UBR2: variants seen among roughly 807,000 people sequenced by gnomAD.
The protein encoded by UBR2 is ubiquitin protein ligase E3 component n-recognin 2.
A neutral mutation model predicts 247.9 loss-of-function variants in UBR2; 92 were observed. The ratio of observed to expected loss-of-function variants is 0.37; its 90% CI spans 0.31 to 0.44. The LOEUF (loss-of-function observed/expected upper bound fraction) is 0.44, where lower values mean the gene tolerates loss of function less well. Among genes scored for constraint, UBR2 ranks in the 20% least tolerant of loss-of-function variants. The pLI is 1.00. For synonymous variants in UBR2, 672 were observed against 693.5 expected (o/e 0.97, Z 0.49); for missense variants, 1,613 against 2,112.6 (o/e 0.76, Z 4.64).
intron 8 of UBR2, among the ~76,000 whole-genome samples, chr6:42,614,415 C>CTTACATACATACGTATATATGTAT (rs1491517686): frequency 1.1e-5 from 1 of 89,180 alleles, no homozygotes; most frequent in Non-Finnish European, 2.2e-5. Context: ...TATGTATGTA[C>CTTACATACATACGTATATATGTAT]GTACGTACAT....
intron 34 of UBR2, among the ~76,000 whole-genome samples, chr6:42,667,483 A>G (rs937111703): frequency 4.7e-5 from 7 of 150,058 alleles, no homozygotes; most frequent in African/African-American, 1.2e-4. Flanking sequence ...TTATTCCACA[A>G]TTTTTGGTTA....
rs200941585 is a variant in UBR2 at position 42,640,382 on chromosome 6, A to AGG, written c.1920+113_1920+114dup. 1.4e-4 allele frequency: 43 copies of AGG among 318,434 alleles called. 3 individuals carry two copies. The African/African-American group carries it at 1.5e-3, about 11-fold the overall frequency. The allele number at this position is 318,434 out of a possible 1,614,324, so 19.7% of individuals were successfully genotyped here. ...GTTCTCCAGAGGAACAGAACCAGTA[A>AGG]GGTGTGTGTGTGTGTGTGTGTGTGT... is the stretch of plus-strand genomic sequence containing the variant. On this transcript the variant is annotated intron_variant, in intron 16 of 46. Coordinates refer to ENST00000372901, the MANE Select transcript of UBR2 (RefSeq NM_001363705.2).
At position 42,679,837 on chromosome 6, in the gene UBR2, T is replaced by A. The variant is rs764908534; in HGVS notation, c.4718+5T>A. 6.3e-7 allele frequency: 1 copy of A among 1,588,348 alleles called. No individual in the cohort carries two copies. The highest frequency in any genetic ancestry group is 1.7e-5 in the Admixed American group (1 of 59,296). ...AATGAATTCACTGATTGAAAGGTAA[T>A]GATTATATACTTTTCTTTGTTGTAT... On this transcript the variant is annotated splice_donor_5th_base_variant and intron_variant, in intron 42 of 46. Transcript: ENST00000372901.
intron 24 of UBR2, 115 bp downstream of exon 24, chr6:42,652,186 C>T (rs1308398482): frequency 1.9e-6 from 2 of 1,034,088 alleles, no homozygotes; most frequent in Non-Finnish European, 2.8e-6. Context: ...GTAAGCTTTC[C>T]TAGTGAATAA....
rs752730348 is a variant in UBR2, at chr6:42,658,798, C to T, written c.3216C>T (p.Ala1072=). ...ELFQQTLELD[A]STSAVLDHSP... ...TTCAGCAGACATTAGAACTGGATGC[C>T]TCAACCTCTGCTGTTCTTGATCATA... The change falls in exon 29 of 47, where the codon GCC becomes GCT. Residue 1072 remains alanine (A), a synonymous_variant. Coordinates refer to ENST00000372901, the MANE Select transcript of UBR2 (RefSeq NM_001363705.2). The T allele has an allele frequency of 5.6e-6, 9 of 1,595,512 alleles. No homozygotes were observed. The South Asian group carries it at 1.0e-4, about 18-fold the overall frequency.
rs74361378 is a variant in UBR2, at chr6:42,642,918, A to G, written c.2097+437A>G. Among the ~76,000 whole-genome samples, 632 of 152,286 alleles carry G rather than the reference A, an allele frequency of 4.2e-3. 7 individuals carry two copies. The highest frequency in any genetic ancestry group is 7.5e-3 in the Non-Finnish European group (508 of 68,020). ...TGCATTGAAGTTCCCTGAATTTGCC[A>G]TATTCTCATACATCTTAAACTCTGC... On this transcript the variant is annotated intron_variant, in intron 18 of 46. Transcript: ENST00000372901.
intron 26 of UBR2, among the ~76,000 whole-genome samples, chr6:42,656,740 C>T (rs540740116): frequency 1.4e-4 from 21 of 152,264 alleles, no homozygotes; most frequent in African/African-American, 4.8e-4. Context: ...TGCCCTCATC[C>T]AAGTAAATGA....
Position 42,684,865 on chromosome 6 carries a change from A to G in UBR2, c.4847A>G (p.Asn1616Ser), listed in dbSNP as rs758941150. Residue 1616 changes from asparagine to serine, a missense_variant, in exon 44 of 47, where the codon AAT becomes AGT. Around this residue, in one of 3 missense-constraint regions of UBR2, gnomAD observed 1,524 missense variants for 1,967.3 expected, o/e 0.77. Coordinates refer to ENST00000372901, the MANE Select transcript of UBR2 (RefSeq NM_001363705.2). ...DYSSLINQASNFSCPKSGGDK... is the reference protein window; with the variant it reads ...DYSSLINQASSFSCPKSGGDK... The stretch of plus-strand genomic sequence containing the variant: ...AGCAGCCTCATTAATCAAGCATCCA[A>G]TTTCTCGTAAGTTTTGCTGTTAGCA... The G allele has an allele frequency of 1.2e-6, 2 of 1,611,864 alleles. No homozygotes were observed. The highest frequency in any genetic ancestry group is 1.3e-5 in the African/African-American group (1 of 74,946).
intron 2 of UBR2, among the ~76,000 whole-genome samples, chr6:42,584,488 G>A (rs548801508): frequency 3.7e-4 from 56 of 152,006 alleles, no homozygotes; most frequent in African/African-American, 1.3e-3. Flanking sequence ...AGTTTGTTTT[G>A]TCTATTTCAT....
chr6:42,660,589 C>T (rs1271247352), intron 30 of UBR2, among the ~76,000 whole-genome samples: 1 of 152,082 alleles, frequency 6.6e-6, no homozygotes, highest in African/African-American at 2.4e-5. Flanking sequence ...TTTGAGAGCC[C>T]ACTTTTAGAG....
At chr6:42,613,269 G>A (rs909423199) in intron 8 of UBR2, among the ~76,000 whole-genome samples, 2 of 152,332 alleles carry the variant, frequency 1.3e-5, no homozygotes, top group East Asian at 3.9e-4. Context: ...AGGCAACACT[G>A]TGGATAAGTG....
chr6:42,602,165 G>A (rs1047639876), intron 4 of UBR2, among the ~76,000 whole-genome samples: 5 of 151,174 alleles, frequency 3.3e-5, no homozygotes, highest in Non-Finnish European at 7.4e-5. Flanking sequence ...CACCGTGCCC[G>A]GCCAAGCCAC....
chr6:42,590,976 G>C (rs1792621920), intron 2 of UBR2, among the ~76,000 whole-genome samples: 1 of 152,248 alleles, frequency 6.6e-6, no homozygotes, highest in African/African-American at 2.4e-5. Flanking sequence ...ATTAGGCCAG[G>C]TGCGGTGGCC....
At position 42,689,485 on chromosome 6, in the gene UBR2, A is replaced by G. The variant is rs868603245; in HGVS notation, c.5025-84A>G. On this transcript the variant is annotated intron_variant, in intron 45 of 46. Coordinates refer to ENST00000372901, the MANE Select transcript of UBR2 (RefSeq NM_001363705.2). The surrounding 1 kb of genome is among the most constrained non-coding windows in gnomAD (Gnocchi z 4.0). ...TAATAGTGGTTTAAATATCAGTACT[A>G]TAAGACTTCATTCTATTTGGAACTG... The G allele has an allele frequency of 3.1e-5, 40 of 1,308,672 alleles. No individual in the cohort carries two copies. The Middle Eastern group carries it at 7.4e-4, about 24-fold the overall frequency. The allele number at this position is 1,308,672 out of a possible 1,614,324, so 81.1% of individuals were successfully genotyped here.
intron 22 of UBR2, among the ~76,000 whole-genome samples, chr6:42,649,600 T>C (rs1439487244): frequency 6.6e-6 from 1 of 152,208 alleles, no homozygotes; most frequent in African/African-American, 2.4e-5. Context: ...CACTTTAATA[T>C]GAGCAGTCTT....
intron 11 of UBR2, among the ~76,000 whole-genome samples, chr6:42,631,888 AT>A (rs1160579133): frequency 7.4e-6 from 1 of 135,506 alleles, no homozygotes. Context: ...ATATATATAT[AT>A]AAATACAGGT....
chr6:42,568,837 T>C (rs1297141714), intron 1 of UBR2, among the ~76,000 whole-genome samples: 1 of 152,234 alleles, frequency 6.6e-6, no homozygotes, highest in Non-Finnish European at 1.5e-5. Flanking sequence ...TTTTTTTGGA[T>C]TTTAAAATAT....
At chr6:42,565,598 A>T (rs1243568361) in intron 1 of UBR2, among the ~76,000 whole-genome samples, 1 of 152,024 alleles carries the variant, frequency 6.6e-6, no homozygotes, top group African/African-American at 2.4e-5. Flanking sequence ...TTCGCTTTCG[A>T]TGCCCAGGCT....
chr6:42,567,591 T>C (rs1269527052), intron 1 of UBR2, among the ~76,000 whole-genome samples: 1 of 152,118 alleles, frequency 6.6e-6, no homozygotes, highest in Non-Finnish European at 1.5e-5. Flanking sequence ...TAACCGGGCA[T>C]GGTGGTGCAC....
Sources: allele counts gnomAD v4.1 joint callset (sites outside exome capture counted in the v4.1 genomes callset), GRCh38; gene constraint gnomAD v4.1.1; regional missense constraint gnomAD v4.1.1; non-coding constraint Gnocchi (gnomAD v3.1); transcripts MANE v1.5; gene names NCBI Gene and HGNC (gene_info 2026-07-23, HGNC 2026-07-21).